SERINC4: variants seen among roughly 807,000 people sequenced by gnomAD.
SERINC4 encodes serine incorporator 4.
Under a neutral mutation model 52.0 loss-of-function variants are expected in SERINC4, and 52 were observed. The ratio of observed to expected loss-of-function variants is 1.00; its 90% CI spans 0.80 to 1.26. The LOEUF (loss-of-function observed/expected upper bound fraction) is 1.26, where lower values mean the gene tolerates loss of function less well. Ranked by LOEUF, SERINC4 falls within the 50% of genes most tolerant of loss-of-function variation. SERINC4 has a pLI of 0.00. For synonymous variants in SERINC4, 264 were observed against 247.7 expected, an observed-to-expected ratio of 1.07 and a Z score of -0.62; for missense variants, 723 against 632.8, an observed-to-expected ratio of 1.14 and a Z score of -1.53.
At position 43,796,155 on chromosome 15, in the gene SERINC4, C is replaced by G. The variant is rs1232912065; in HGVS notation, c.1140G>C (p.Gln380His). Residue 380 changes from glutamine to histidine, a missense_variant and splice_region_variant, in exon 9 of 12, where the codon CAG becomes CAC. Coordinates refer to ENST00000319327, the MANE Select transcript of SERINC4 (RefSeq NM_001258031.2). ...GGGATATGGAGCTCTTTATCCTCAC[C>G]TGAAACTCATAGCTGTAAACCTTGA... is the stretch of plus-strand genomic sequence containing the variant. ...WIVKVYSYEFQKPSLCFCCPE... is the reference protein window; with the variant it reads ...WIVKVYSYEFHKPSLCFCCPE... 6.2e-7 allele frequency: 1 copy of G among 1,611,670 alleles called. No homozygotes were observed. The highest frequency in any genetic ancestry group is 8.5e-7 in the Non-Finnish European group (1 of 1,177,960).
In SERINC4 at chr15:43,800,059, G is replaced by A; in HGVS notation, c.-73C>T. ...AGAGCAGCAGTTGCTTCTGTCCTCA[G>A]CCCATTGGACTGCCACTGTGTTGGG... On this transcript the variant is annotated 5_prime_UTR_variant, in exon 1 of 12. Transcript: ENST00000319327. The A allele has an allele frequency of 8.5e-7, 1 of 1,174,974 alleles. No homozygotes were observed. The highest frequency in any genetic ancestry group is 1.2e-6 in the Non-Finnish European group (1 of 855,616). 72.8% of individuals were successfully genotyped at this position (1,174,974 alleles called of 1,614,324 possible).
At position 43,799,124 on chromosome 15, in the gene SERINC4, G is replaced by C; in HGVS notation, c.293C>G (p.Ser98Trp). ...GCCAAACAGGTGGGCACACAACCCC[G>C]AGGGCATCTGGATCTGGGAGTGTGT... The part of the protein sequence containing the change: ...WGKTHRIQMP[S>W]GLCAHLFGLS... Residue 98 changes from serine (S) to tryptophan (W), a missense_variant, in exon 3 of 12, where the codon TCG (serine) becomes TGG (tryptophan). Ser to Trp is a radical substitution (Grantham distance 177, BLOSUM62 -3). Coordinates refer to ENST00000319327, the MANE Select transcript of SERINC4 (RefSeq NM_001258031.2). 1 of 1,549,318 alleles carries C rather than the reference G, an allele frequency of 6.5e-7. No homozygotes were observed. The highest frequency in any genetic ancestry group is 8.7e-7 in the Non-Finnish European group (1 of 1,145,914).
At position 43,795,377 on chromosome 15, in the gene SERINC4, C is replaced by T. The variant is rs765732235; in HGVS notation, c.1343+11G>A. The T allele has an allele frequency of 6.2e-7, 1 of 1,614,110 alleles. No homozygotes were observed. The highest frequency in any genetic ancestry group is 1.1e-5 in the South Asian group (1 of 91,078). On this transcript the variant is annotated intron_variant, in intron 11 of 11. Transcript: ENST00000319327. ...TCTTCAGGAGAGTATCTAAGGCCCA[C>T]TCCATCTTACCTGAACCAGTTGGTA...
chr15:43,798,971 T>G lies in SERINC4; in HGVS notation c.446A>C (p.Gln149Pro). 6.4e-7 allele frequency: 1 copy of G among 1,550,546 alleles called. No homozygotes were observed. The highest frequency in any genetic ancestry group is 8.7e-7 in the Non-Finnish European group (1 of 1,146,988). ...AGTACACACAAACCTATTATGCAGC[T>G]GTGCCCGCGGGCTGGTGGGGGAGTG... ...HLHSPTSPRA[Q>P]LHNSFWLLKL... Residue 149 changes from glutamine (Q) to proline (P), a missense_variant, in exon 3 of 12, where the codon CAG becomes CCG. Gln to Pro is a moderately conservative substitution (Grantham distance 76). Transcript: ENST00000319327.
chr15:43,797,053 C>CTTCAATTA, intron 6 of SERINC4, 92 bp downstream of exon 6: 1 of 1,457,940 alleles, frequency 6.9e-7, no homozygotes, highest in Non-Finnish European at 9.5e-7. Context: ...AGCAGAGATT[C>CTTCAATTA]TTTTATCAAA....
chr15:43,797,787 C>T, intron 5 of SERINC4, 133 bp downstream of exon 5: 1 of 658,310 alleles, frequency 1.5e-6, no homozygotes, highest in Admixed American at 2.7e-5. Flanking sequence ...TCATCACATT[C>T]CTAAGCTTTT....
chr15:43,799,017 C>G lies in SERINC4; in HGVS notation c.400G>C (p.Ala134Pro). The G allele has an allele frequency of 1.9e-6, 3 of 1,550,510 alleles. No individual in the cohort carries two copies. In the South Asian group the frequency reaches 3.6e-5, roughly 18 times the overall value. The stretch of plus-strand genomic sequence containing the variant: ...GAGTGGAGGTGGACCAGCAACACAG[C>G]CTGCAGCAGGTGGAAGGTGGCGGTT... ...AGTATFHLLQ[A>P]VLLVHLHSPT... Residue 134 changes from alanine to proline, a missense_variant, in exon 3 of 12, where the codon GCT (alanine) becomes CCT (proline). By Grantham distance (27) the Ala-to-Pro change is conservative (BLOSUM62 -1). Coordinates refer to ENST00000319327, the MANE Select transcript of SERINC4 (RefSeq NM_001258031.2).
Position 43,796,167 on chromosome 15 carries a change from G to A in SERINC4, c.1128C>T (p.Ser376=). The change falls in exon 9 of 12, where the codon AGC becomes AGT. Residue 376 remains serine, a synonymous_variant. Coordinates refer to ENST00000319327, the MANE Select transcript of SERINC4 (RefSeq NM_001258031.2). ...FGPLWIVKVY[S]YEFQKPSLCF... ...TCTTTATCCTCACCTGAAACTCATA[G>A]CTGTAAACCTTGACAATCCACAGGG... 1 of 1,613,022 alleles carries A rather than the reference G, an allele frequency of 6.2e-7. No homozygotes were observed. Among genetic ancestry groups the A allele is most frequent in the South Asian group, 1.1e-5 (1 of 91,058 alleles).
chr15:43,797,024 C>A (rs2043878), intron 6 of SERINC4, 84 bp from the exon 7 acceptor site: 2 of 1,457,632 alleles, frequency 1.4e-6, no homozygotes, highest in South Asian at 1.2e-5. Context: ...GTCTCCCCAT[C>A]CTTTGGTGGG....
At chr15:43,795,644 C>T in intron 10 of SERINC4, 44 bp downstream of exon 10, 2 of 1,611,894 alleles carry the variant, frequency 1.2e-6, no homozygotes, top group Non-Finnish European at 1.7e-6. Flanking sequence ...TATGGCACTC[C>T]ACAGAGATCT....
In SERINC4 at chr15:43,796,648, A is replaced by G; in HGVS notation, c.1035T>C (p.Ala345=). 1.9e-6 allele frequency: 3 copies of G among 1,614,160 alleles called. No homozygotes were observed. The highest frequency in any genetic ancestry group is 2.5e-6 in the Non-Finnish European group (3 of 1,180,016). The change falls in exon 8 of 12, where the codon GCT becomes GCC. Residue 345 remains alanine, a synonymous_variant. Coordinates refer to ENST00000319327, the MANE Select transcript of SERINC4 (RefSeq NM_001258031.2). ...AAAGCACACAAGCATACATGATGCT[A>G]GCACTCAGCATTGCTAGAGAGATAT... ...TPDISLAMLS[A]SIMYACVLFA...
intron 8 of SERINC4, 70 bp downstream of exon 8, chr15:43,796,545 AT>A (rs970732576): frequency 2.3e-5 from 36 of 1,533,956 alleles, no homozygotes; most frequent in Non-Finnish European, 9.0e-7. Flanking sequence ...GGTCCCAGAC[AT>A]TGTCCTGACC....
Position 43,795,677 on chromosome 15 carries a change from T to A in SERINC4, c.1189+11A>T. 1 of 1,613,924 alleles carries A rather than the reference T, an allele frequency of 6.2e-7. No individual in the cohort carries two copies. Among genetic ancestry groups the A allele is most frequent in the Non-Finnish European group, 8.5e-7 (1 of 1,179,818 alleles). ...TCTACCACTTCTTATGGTTCCTCAC[T>A]TGGCACTCACCTTTGTCTGCCTCCA... is the stretch of plus-strand genomic sequence containing the variant. On this transcript the variant is annotated intron_variant, in intron 10 of 11. Coordinates refer to ENST00000319327, the MANE Select transcript of SERINC4 (RefSeq NM_001258031.2).
intron 9 of SERINC4, 159 bp downstream of exon 9, chr15:43,795,996 G>C (rs570003199): frequency 6.4e-5 from 43 of 669,232 alleles, no homozygotes; most frequent in African/African-American, 6.3e-4. Flanking sequence ...ATGAGATTAT[G>C]TAAAAGTATC....
At chr15:43,796,271 A>AACCAGC (rs2087214204) in intron 8 of SERINC4, 44 bp from the exon 9 acceptor site, 3 of 1,470,782 alleles carry the variant, frequency 2.0e-6, no homozygotes, top group African/African-American at 1.4e-5. Flanking sequence ...TTAAATAGGG[A>AACCAGC]TTATCTGGGG....
At chr15:43,797,887 C>A (rs2087244777) in intron 5 of SERINC4, 33 bp downstream of exon 5, 1 of 1,522,454 alleles carries the variant, frequency 6.6e-7, no homozygotes. Flanking sequence ...GAAACCTCCC[C>A]AGGAAAAGCC....
intron 5 of SERINC4, 177 bp downstream of exon 5, chr15:43,797,743 T>C (rs1300614070): frequency 1.7e-6 from 1 of 591,962 alleles, no homozygotes; most frequent in Non-Finnish European, 3.1e-6. Flanking sequence ...CTCAGAAGAC[T>C]GGTGTGACTA....
In SERINC4 at chr15:43,795,088, C is replaced by T; in HGVS notation, c.1469G>A (p.Trp490Ter). 1 of 1,613,740 alleles carries T rather than the reference C, an allele frequency of 6.2e-7. No homozygotes were observed. Among genetic ancestry groups the T allele is most frequent in the South Asian group, 1.1e-5 (1 of 91,062 alleles). Residue 490 changes from tryptophan to a stop codon, truncating the protein, a stop_gained, in exon 12 of 12, where the codon TGG (tryptophan) becomes TAG (stop). Coordinates refer to ENST00000319327, the MANE Select transcript of SERINC4 (RefSeq NM_001258031.2). LOFTEE classifies it low-confidence loss of function (END_TRUNC). The part of the protein sequence containing the change: ...YLGLLLAPLC[W>*]PPTQKPQPLI... Reference sequence around the variant, plus strand: ...GGGCTGGGGTTTCTGGGTGGGGGGCCAACAGAGTGGTGCCAGTAACAGCCC... The same window carrying T: ...GGGCTGGGGTTTCTGGGTGGGGGGCTAACAGAGTGGTGCCAGTAACAGCCC...
At position 43,799,122 on chromosome 15, in the gene SERINC4, C is replaced by G. The variant is rs569584101; in HGVS notation, c.295G>C (p.Gly99Arg). Residue 99 changes from glycine (G) to arginine (R), a missense_variant, in exon 3 of 12, where the codon GGG (glycine) becomes CGG (arginine). By Grantham distance (125) the Gly-to-Arg change is moderately radical (BLOSUM62 -2). Transcript: ENST00000319327. ...AGGCCAAACAGGTGGGCACACAACC[C>G]CGAGGGCATCTGGATCTGGGAGTGT... ...GKTHRIQMPS[G>R]LCAHLFGLSD... is the part of the protein sequence containing the mutation. 81 of 1,549,354 alleles carry G rather than the reference C, an allele frequency of 5.2e-5. No individual in the cohort carries two copies. The Middle Eastern group carries it at 1.3e-3, about 26-fold the overall frequency.
Sources: allele counts gnomAD v4.1 joint callset, GRCh38; gene constraint gnomAD v4.1.1; transcripts MANE v1.5; gene names NCBI Gene and HGNC (gene_info 2026-07-23, HGNC 2026-07-21).